The following MAF variants were observed in gnomAD, a reference collection of about 807,000 sequenced individuals.
The protein encoded by MAF is MAF bZIP transcription factor, also known as transcription factor Maf.
A neutral mutation model predicts 22.0 loss-of-function variants in MAF; 10 were observed. That is an observed-to-expected ratio of 0.45 (90% CI 0.28 to 0.77). The LOEUF (loss-of-function observed/expected upper bound fraction) is 0.77, where lower values mean the gene tolerates loss of function less well. Among genes scored for constraint, MAF ranks in the 30% least tolerant of loss-of-function variants. MAF has a pLI of 0.12. For synonymous variants in MAF, 337 were observed against 255.8 expected (o/e 1.32, Z -3.03); for missense variants, 544 against 548.4 (o/e 0.99, Z 0.08).
At chr16:79,544,110 T>A in the MAF span, among the ~76,000 whole-genome samples, 1 of 152,030 alleles carries the variant, frequency 6.6e-6, no homozygotes, top group Non-Finnish European at 1.5e-5. Flanking sequence ...CCCCAACAAG[T>A]GGTATGATAT....
chr16:79,477,122 A>G, the MAF span, among the ~76,000 whole-genome samples: 1 of 152,162 alleles, frequency 6.6e-6, no homozygotes. Context: ...GGTTGAAAGG[A>G]CCCAGAGTGG....
At chr16:79,316,119 C>A in the MAF span, among the ~76,000 whole-genome samples, 11 of 152,284 alleles carry the variant, frequency 7.2e-5, no homozygotes, top group African/African-American at 2.6e-4. Context: ...GAAAACAGAG[C>A]CCGACTCTAC....
At chr16:79,598,101 A>AT (rs897282908) in intron 1 of MAF, 422 of 1,034,190 alleles carry the variant, frequency 4.1e-4, no homozygotes, top group Middle Eastern at 1.3e-3. Context: ...AACATTTCAC[A>AT]TTTTTTTTTC....
chr16:79,485,768 C>T, the MAF span, among the ~76,000 whole-genome samples: 1 of 152,158 alleles, frequency 6.6e-6, no homozygotes, highest in African/African-American at 2.4e-5. Flanking sequence ...AGATTTAATA[C>T]AACTAAAAGC....
At chr16:79,455,934 C>T in the MAF span, among the ~76,000 whole-genome samples, 3 of 152,104 alleles carry the variant, frequency 2.0e-5, no homozygotes, top group Non-Finnish European at 4.4e-5. Flanking sequence ...GGGAGAATTG[C>T]TTGAACCCAG....
the MAF span, among the ~76,000 whole-genome samples, chr16:79,362,085 C>T: frequency 6.6e-6 from 1 of 152,168 alleles, no homozygotes; most frequent in African/African-American, 2.4e-5. Context: ...AGGCCACTTA[C>T]CTATCTGTGA....
chr16:79,318,501 C>T, the MAF span, among the ~76,000 whole-genome samples: 1 of 152,198 alleles, frequency 6.6e-6, no homozygotes, highest in African/African-American at 2.4e-5. Flanking sequence ...AGAATAGATT[C>T]ATCAGCCTGA....
the MAF span, among the ~76,000 whole-genome samples, chr16:79,392,081 A>C: frequency 1.3e-5 from 2 of 150,394 alleles, no homozygotes; most frequent in Non-Finnish European, 3.0e-5. Context: ...GAGGAGATGC[A>C]GAGAAAGAAA....
At chr16:79,500,281 A>C in the MAF span, among the ~76,000 whole-genome samples, 1 of 152,232 alleles carries the variant, frequency 6.6e-6, no homozygotes, top group Admixed American at 6.5e-5. Flanking sequence ...AGGAACAGTG[A>C]ACAATAATCC....
the MAF span, among the ~76,000 whole-genome samples, chr16:79,380,168 C>G: frequency 2.0e-5 from 3 of 152,106 alleles, no homozygotes; most frequent in African/African-American, 7.2e-5. Flanking sequence ...TCAAAAATCC[C>G]AGTTTCCTAT....
the MAF span, among the ~76,000 whole-genome samples, chr16:79,308,491 C>A: frequency 6.6e-6 from 1 of 151,858 alleles, no homozygotes. Context: ...GGTATTTGCC[C>A]CCATGGAATT....
At chr16:79,493,581 G>T in the MAF span, among the ~76,000 whole-genome samples, 1 of 152,182 alleles carries the variant, frequency 6.6e-6, no homozygotes, top group Non-Finnish European at 1.5e-5. Context: ...CCCAAGTGCT[G>T]GGATTACAGG....
chr16:79,256,950 G>A, the MAF span, among the ~76,000 whole-genome samples: 9 of 152,180 alleles, frequency 5.9e-5, no homozygotes, highest in East Asian at 1.9e-4. Context: ...AGGCCGAGGC[G>A]GGCAGATCAC....
the MAF span, among the ~76,000 whole-genome samples, chr16:79,464,149 A>C: frequency 6.6e-5 from 10 of 152,322 alleles, no homozygotes; most frequent in Middle Eastern, 3.4e-3. Flanking sequence ...TTAAGGCTGG[A>C]AAGAATCAAT....
the MAF span, among the ~76,000 whole-genome samples, chr16:79,227,860 T>C: frequency 6.6e-6 from 1 of 152,132 alleles, no homozygotes; most frequent in Non-Finnish European, 1.5e-5. Flanking sequence ...AGAGAAATCC[T>C]GGGTGTAGAC....
At chr16:79,349,632 C>A in the MAF span, among the ~76,000 whole-genome samples, 1 of 152,186 alleles carries the variant, frequency 6.6e-6, no homozygotes, top group African/African-American at 2.4e-5. Context: ...GCTGTCTGTG[C>A]AGGAACCCAG....
At chr16:79,581,762 G>C (rs920286821), downstream of MAF, among the ~76,000 whole-genome samples, 2 of 152,264 alleles carry the variant, frequency 1.3e-5, no homozygotes, top group South Asian at 2.1e-4. Context: ...TGGACTGTCA[G>C]GCTCACCGTA....
At chr16:79,575,073 G>C in the MAF span, among the ~76,000 whole-genome samples, 2 of 150,914 alleles carry the variant, frequency 1.3e-5, no homozygotes, top group Non-Finnish European at 2.9e-5. Context: ...GCCACTAAAG[G>C]TTCTTGATTC....
chr16:79,352,649 A>T, the MAF span, among the ~76,000 whole-genome samples: 4 of 152,226 alleles, frequency 2.6e-5, no homozygotes, highest in Admixed American at 6.5e-5. Flanking sequence ...AGCTAATAAA[A>T]AGTAGAGGCA....
Sources: allele counts gnomAD v4.1 joint callset (sites outside exome capture counted in the v4.1 genomes callset), GRCh38; gene constraint gnomAD v4.1.1; transcripts MANE v1.5; gene names NCBI Gene and HGNC (gene_info 2026-07-23, HGNC 2026-07-21).